Variants in DOCK2 observed in about 807,000 individuals in gnomAD.
DOCK2 encodes dedicator of cytokinesis 2.
Under a neutral mutation model 248.9 loss-of-function variants are expected in DOCK2, and 87 were observed. That is an observed-to-expected ratio of 0.35 (90% CI 0.29 to 0.42). The LOEUF is 0.42. DOCK2 is among the 10% of genes least tolerant of loss of function. The pLI, the probability that DOCK2 is intolerant of heterozygous loss-of-function variation, is 1.00. For missense variants in DOCK2, 1,747 were observed against 2,300.2 expected, an observed-to-expected ratio of 0.76 and a Z score of 4.92; for synonymous variants, 805 against 821.6, an observed-to-expected ratio of 0.98 and a Z score of 0.35.
At chr5:170,057,863 T>G (rs1757189517) in intron 44 of DOCK2, among the ~76,000 whole-genome samples, 197 bp downstream of exon 44, 1 of 152,102 alleles carries the variant, frequency 6.6e-6, no homozygotes, top group South Asian at 2.1e-4. Context: ...TCAGATAACC[T>G]TTTTGTTCCC....
intron 26 of DOCK2, among the ~76,000 whole-genome samples, chr5:169,832,855 TA>T (rs34255046): frequency 8.6e-5 from 13 of 150,322 alleles, no homozygotes; most frequent in African/African-American, 1.5e-4. Flanking sequence ...CTCTTTTGCT[TA>T]AAAAAAAAAT....
intron 27 of DOCK2, among the ~76,000 whole-genome samples, chr5:169,932,572 C>T (rs924565119): frequency 6.6e-6 from 1 of 152,090 alleles, no homozygotes; most frequent in Non-Finnish European, 1.5e-5. Flanking sequence ...GTTTTTTAGA[C>T]CTGGGACGCT....
At chr5:169,946,343 C>T (rs757385269) in intron 27 of DOCK2, among the ~76,000 whole-genome samples, 2 of 152,270 alleles carry the variant, frequency 1.3e-5, no homozygotes, top group Non-Finnish European at 2.9e-5. Context: ...TCTAACTGGG[C>T]GACTGAGGGG....
At chr5:169,742,586 C>G (rs1253340206) in intron 22 of DOCK2, among the ~76,000 whole-genome samples, 1 of 152,216 alleles carries the variant, frequency 6.6e-6, no homozygotes, top group Non-Finnish European at 1.5e-5. Flanking sequence ...GAGGCTCTCC[C>G]TCCACCCCTG....
At chr5:169,744,738 T>G in intron 22 of DOCK2, among the ~76,000 whole-genome samples, 1 of 152,140 alleles carries the variant, frequency 6.6e-6, no homozygotes, top group Non-Finnish European at 1.5e-5. Flanking sequence ...AAAAAGCCTG[T>G]TTTTATGTTT....
intron 27 of DOCK2, among the ~76,000 whole-genome samples, chr5:169,843,927 T>C (rs1411468733): frequency 6.6e-6 from 1 of 152,246 alleles, no homozygotes; most frequent in African/African-American, 2.4e-5. Flanking sequence ...TATATGAGCA[T>C]GCCAACTTTT....
At chr5:169,675,801 C>G (rs181197222) in intron 6 of DOCK2, among the ~76,000 whole-genome samples, 1 of 152,170 alleles carries the variant, frequency 6.6e-6, no homozygotes, top group Non-Finnish European at 1.5e-5. Flanking sequence ...CTTTCTTGCC[C>G]TGACATAAGC....
At chr5:170,000,987 C>T (rs968667597) in intron 30 of DOCK2, among the ~76,000 whole-genome samples, 12 of 152,176 alleles carry the variant, frequency 7.9e-5, no homozygotes, top group Admixed American at 5.9e-4. Context: ...CTGCCCATAG[C>T]GCCACCACAG....
intron 22 of DOCK2, among the ~76,000 whole-genome samples, chr5:169,733,782 A>G (rs570517786): frequency 3.9e-5 from 6 of 152,244 alleles, no homozygotes; most frequent in African/African-American, 1.2e-4. Context: ...GTTTCTTTAT[A>G]GGCATTCTGG....
intron 26 of DOCK2, among the ~76,000 whole-genome samples, chr5:169,831,491 A>C (rs942460165): frequency 8.5e-5 from 13 of 152,242 alleles, no homozygotes; most frequent in South Asian, 2.1e-4. Flanking sequence ...TACCATCTGC[A>C]AAGTGCTGCC....
intron 9 of DOCK2, among the ~76,000 whole-genome samples, chr5:169,691,278 A>G (rs1311873433): frequency 6.6e-6 from 1 of 152,150 alleles, no homozygotes; most frequent in Admixed American, 6.5e-5. Context: ...AAGCACCCCC[A>G]TGATCCAATC....
chr5:169,881,322 T>C (rs1452845015), intron 27 of DOCK2: 2 of 1,490,564 alleles, frequency 1.3e-6, no homozygotes, highest in South Asian at 2.4e-5. Context: ...CAGCGGACCC[T>C]ATGGCTTTAT....
intron 25 of DOCK2, among the ~76,000 whole-genome samples, chr5:169,766,889 T>G (rs1764826532): frequency 6.6e-6 from 1 of 152,192 alleles, no homozygotes; most frequent in African/African-American, 2.4e-5. Context: ...TGCCTCAGCC[T>G]CCCAAGTAGC....
intron 27 of DOCK2, among the ~76,000 whole-genome samples, chr5:169,865,086 G>A (rs993526550): frequency 6.6e-6 from 1 of 152,128 alleles, no homozygotes; most frequent in Admixed American, 6.5e-5. Context: ...GATATATCTT[G>A]GAGAGCTTTA....
intron 25 of DOCK2, among the ~76,000 whole-genome samples, chr5:169,768,830 G>A (rs973614417): frequency 2.0e-5 from 3 of 152,178 alleles, no homozygotes; most frequent in Non-Finnish European, 2.9e-5. Flanking sequence ...GCAAAATTCA[G>A]TTCATTGCAT....
Position 169,883,845 on chromosome 5 carries a change from T to TAA in DOCK2, c.2799+42994_2799+42995insAA. On this transcript the variant is annotated intron_variant, in intron 27 of 51. Coordinates refer to ENST00000520908, the MANE Select transcript of DOCK2 (RefSeq NM_004946.3). The stretch of plus-strand genomic sequence containing the variant: ...GTTGTTTCACAAACTCCACTGATTC[T>TAA]AGACTGTTACGCTTTAGAAGCACAG... 1.9e-6 allele frequency: 3 copies of TAA among 1,542,416 alleles called. No homozygotes were observed. In the South Asian group the frequency reaches 3.6e-5, roughly 19 times the overall value.
At chr5:169,787,640 T>G (rs1015417703) in intron 25 of DOCK2, among the ~76,000 whole-genome samples, 2 of 151,846 alleles carry the variant, frequency 1.3e-5, no homozygotes, top group African/African-American at 4.8e-5. Flanking sequence ...CAGCTTCCCA[T>G]ACTCATTTCT....
At position 169,979,882 on chromosome 5, in the gene DOCK2, C is replaced by G. The variant is rs147224601; in HGVS notation, c.2800-3186C>G. On this transcript the variant is annotated intron_variant, in intron 27 of 51. Coordinates refer to ENST00000520908, the MANE Select transcript of DOCK2 (RefSeq NM_004946.3). ...GTTTTTTTCATAAAACAGCCACTCT[C>G]TCTAGATGGGGACTAGAATCCCCCT... is the stretch of plus-strand genomic sequence containing the variant. Among the ~76,000 whole-genome samples the G allele has an allele frequency of 2.0e-3, 299 of 152,272 alleles. 3 individuals are homozygous for G. Among genetic ancestry groups the G allele is most frequent in the African/African-American group, 6.9e-3 (287 of 41,542 alleles).
At chr5:169,727,035 T>C (rs996665141) in intron 22 of DOCK2, among the ~76,000 whole-genome samples, 3 of 147,576 alleles carry the variant, frequency 2.0e-5, no homozygotes, top group Non-Finnish European at 3.0e-5. Context: ...GCCACTGCAC[T>C]CCAGTCTGAG....
Sources: gnomAD v4.1 joint callset for allele counts (sites outside exome capture counted in the v4.1 genomes callset) on GRCh38, gnomAD v4.1.1 for gene constraint, MANE v1.5 for transcripts, NCBI Gene and HGNC (gene_info 2026-07-23, HGNC 2026-07-21) for gene names.